The following ADAMTSL3 variants were observed in gnomAD, a reference collection of about 807,000 sequenced individuals.
The protein encoded by ADAMTSL3 is ADAMTS like 3.
Under a neutral mutation model 201.7 loss-of-function variants are expected in ADAMTSL3, and 128 were observed. That is an observed-to-expected ratio of 0.63 (90% CI 0.55 to 0.73). The LOEUF is 0.73. Ranked by LOEUF, ADAMTSL3 falls within the 30% of genes least tolerant of loss-of-function variation. The pLI, the probability that ADAMTSL3 is intolerant of heterozygous loss-of-function variation, is 0.00. For missense variants in ADAMTSL3, 1,990 were observed against 2,119.6 expected, an observed-to-expected ratio of 0.94 and a Z score of 1.20; for synonymous variants, 738 against 748.4, an observed-to-expected ratio of 0.99 and a Z score of 0.23.
At position 83,773,488 on chromosome 15, in the gene ADAMTSL3, G is replaced by GTT. The variant is rs59307086; in HGVS notation, c.190-26_190-25dup. On this transcript the variant is annotated intron_variant, in intron 3 of 29. Transcript: ENST00000286744. ...ACATTTGCCTATACTTTATTGTGTG[G>GTT]TTTTTTTTTTGTTTGTTTGCTTTTT... 16,452 of 1,422,608 alleles carry GTT rather than the reference G, an allele frequency of 0.012. 499 individuals carry two copies. In the East Asian group the frequency reaches 0.23, roughly 20 times the overall value. 88.1% of individuals were successfully genotyped at this position (1,422,608 alleles called of 1,614,324 possible). A position where few individuals can be genotyped will look rare whatever the true frequency, so the allele number is the denominator to read the frequency against.
chr15:84,017,080 T>G (rs1028690822), intron 25 of ADAMTSL3, among the ~76,000 whole-genome samples: 4 of 152,156 alleles, frequency 2.6e-5, no homozygotes, highest in Non-Finnish European at 5.9e-5. Context: ...GGACACAAAC[T>G]CTTTTTTTAA....
rs1212540090 is a variant in ADAMTSL3 at position 83,746,200 on chromosome 15, A to G, written c.190-27323A>G. Among the ~76,000 whole-genome samples the G allele has an allele frequency of 2.6e-5, 4 of 152,026 alleles. No homozygotes were observed. The South Asian group carries it at 6.2e-4, about 24-fold the overall frequency. ...AGAATTGCCTATGTCCCTTTGTCTT[A>G]TTAATCAAGAATGTGATGTTTGCCC... On this transcript the variant is annotated intron_variant, in intron 3 of 29. Transcript: ENST00000286744.
chr15:83,906,715 T>G (rs1312521416), intron 15 of ADAMTSL3, among the ~76,000 whole-genome samples: 1 of 151,782 alleles, frequency 6.6e-6, no homozygotes, highest in Non-Finnish European at 1.5e-5. Context: ...TTTTGGTTTT[T>G]TCCAAAATTT....
intron 4 of ADAMTSL3, among the ~76,000 whole-genome samples, chr15:83,795,002 G>A (rs1456085972): frequency 6.6e-6 from 1 of 151,788 alleles, no homozygotes; most frequent in Non-Finnish European, 1.5e-5. Context: ...ACAGGTGCAC[G>A]CCACCATGCC....
intron 10 of ADAMTSL3, among the ~76,000 whole-genome samples, chr15:83,888,403 AT>A (rs35352567): frequency 0.46 from 69,978 of 151,212 alleles, 16,834 homozygotes; most frequent in Admixed American, 0.61. Context: ...TAGAACAAAG[AT>A]TTTTTTTTTC....
At chr15:83,852,703 AAC>A (rs2064644020) in intron 7 of ADAMTSL3, among the ~76,000 whole-genome samples, 1 of 152,170 alleles carries the variant, frequency 6.6e-6, no homozygotes, top group Admixed American at 6.5e-5. Flanking sequence ...ATATTAAGAA[AAC>A]AGTCTTTGCC....
At chr15:83,950,504 C>G (rs1010602355) in intron 19 of ADAMTSL3, among the ~76,000 whole-genome samples, 1 of 151,822 alleles carries the variant, frequency 6.6e-6, no homozygotes, top group Non-Finnish European at 1.5e-5. Context: ...TTTTGTTGTT[C>G]TTTATAAATT....
At chr15:83,847,809 T>C (rs2064530247) in intron 7 of ADAMTSL3, among the ~76,000 whole-genome samples, 1 of 152,044 alleles carries the variant, frequency 6.6e-6, no homozygotes, top group Non-Finnish European at 1.5e-5. Context: ...TAACTCTTTT[T>C]AGTCTAAGTG....
chr15:83,915,542 C>T (rs1474748285), intron 16 of ADAMTSL3, among the ~76,000 whole-genome samples: 1 of 151,592 alleles, frequency 6.6e-6, no homozygotes. Context: ...AGAATGCGCA[C>T]ACTGTACAAT....
chr15:83,750,261 C>T (rs188138919), intron 3 of ADAMTSL3, among the ~76,000 whole-genome samples: 2 of 152,250 alleles, frequency 1.3e-5, no homozygotes, highest in Admixed American at 6.5e-5. Context: ...ATTAGCTTTC[C>T]GTATTGCACA....
chr15:83,940,353 A>G (rs1057442040), intron 17 of ADAMTSL3, among the ~76,000 whole-genome samples: 4 of 152,138 alleles, frequency 2.6e-5, no homozygotes, highest in African/African-American at 9.7e-5. Flanking sequence ...ACAGAACTGT[A>G]TTTTCTCACA....
intron 19 of ADAMTSL3, among the ~76,000 whole-genome samples, chr15:83,952,648 T>C (rs1172265752): frequency 2.6e-5 from 4 of 152,012 alleles, no homozygotes; most frequent in Non-Finnish European, 5.9e-5. Flanking sequence ...ATGTTTACAA[T>C]TGTCATATCC....
intron 13 of ADAMTSL3, among the ~76,000 whole-genome samples, chr15:83,893,911 A>G (rs1298648498): frequency 1.3e-5 from 2 of 152,174 alleles, no homozygotes; most frequent in Non-Finnish European, 2.9e-5. Flanking sequence ...TTCTTAAGTG[A>G]TTTCTGCACA....
intron 17 of ADAMTSL3, among the ~76,000 whole-genome samples, chr15:83,930,064 A>T (rs767163222): frequency 1.1e-4 from 16 of 152,196 alleles, no homozygotes; most frequent in Non-Finnish European, 2.1e-4. Context: ...CTCAAAAGTC[A>T]AAAGAAAATT....
chr15:83,815,433 C>T (rs1010369181), intron 5 of ADAMTSL3, among the ~76,000 whole-genome samples: 5 of 152,114 alleles, frequency 3.3e-5, no homozygotes, highest in South Asian at 2.1e-4. Context: ...CTCCCTAGCA[C>T]GTGACCTAGG....
intron 3 of ADAMTSL3, among the ~76,000 whole-genome samples, chr15:83,771,348 T>C (rs1364306478): frequency 6.6e-6 from 1 of 152,160 alleles, no homozygotes; most frequent in Non-Finnish European, 1.5e-5. Context: ...TAGTACAGTA[T>C]TGGTAATTAT....
intron 4 of ADAMTSL3, among the ~76,000 whole-genome samples, chr15:83,793,188 AG>A (rs548151908): frequency 6.1e-4 from 93 of 152,316 alleles, no homozygotes; most frequent in Non-Finnish European, 1.1e-3. Context: ...AAGATGGTTG[AG>A]GAGGGGAGTT....
chr15:83,943,219 C>G, intron 19 of ADAMTSL3, 137 bp downstream of exon 19: 1 of 965,932 alleles, frequency 1.0e-6, no homozygotes, highest in Admixed American at 3.1e-5. Context: ...TAAGGAGGTG[C>G]TCACTCACTC....
chr15:83,662,559 T>C (rs1049468463), intron 2 of ADAMTSL3, among the ~76,000 whole-genome samples: 1 of 138,696 alleles, frequency 7.2e-6, no homozygotes, highest in African/African-American at 2.6e-5. Flanking sequence ...ACCCTAAAAC[T>C]TAAAGTATAA....
Sources: allele counts gnomAD v4.1 joint callset (sites outside exome capture counted in the v4.1 genomes callset), GRCh38; gene constraint gnomAD v4.1.1; transcripts MANE v1.5; gene names NCBI Gene and HGNC (gene_info 2026-07-23, HGNC 2026-07-21).